FCER2: variants seen among roughly 807,000 people sequenced by gnomAD.
The protein encoded by FCER2 is low affinity immunoglobulin epsilon Fc receptor.
A neutral mutation model predicts 49.7 loss-of-function variants in FCER2; 38 were observed. That is an observed-to-expected ratio of 0.76 (90% CI 0.59 to 1.00). FCER2 has a LOEUF of 1.00. FCER2 is among the 50% of genes least tolerant of loss of function. FCER2 has a pLI of 0.00. For missense variants in FCER2, 425 were observed against 419.5 expected, an observed-to-expected ratio of 1.01 and a Z score of -0.11; for synonymous variants, 163 against 164.6, an observed-to-expected ratio of 0.99 and a Z score of 0.07.
At chr19:7,701,314 A>G (rs1373546683) in intron 1 of FCER2, among the ~76,000 whole-genome samples, 1 of 152,068 alleles carries the variant, frequency 6.6e-6, no homozygotes, top group Non-Finnish European at 1.5e-5. Context: ...TGTGAGAGGA[A>G]CCCAGAGACC....
chr19:7,690,381 C>A lies in FCER2; in HGVS notation c.621+25G>T, dbSNP rs1357570302. 5 of 1,610,846 alleles carry A rather than the reference C, an allele frequency of 3.1e-6. No individual in the cohort carries two copies. The East Asian group carries it at 8.9e-5, about 29-fold the overall frequency. On this transcript the variant is annotated intron_variant, in intron 9 of 10. Coordinates refer to ENST00000597921, the MANE Select transcript of FCER2 (RefSeq NM_001220500.2). The stretch of plus-strand genomic sequence containing the variant: ...CCCCCCACCCTCGCCATGCTGCCCA[C>A]CACCTCTGCAGAGCCCCAGCCCACC...
Position 7,690,535 on chromosome 19 carries a change from A to G in FCER2, c.492T>C (p.Pro164=), listed in dbSNP as rs748756291. ...VSSGFVCNTC[P]EKWINFQRKC... is the part of the protein sequence containing the mutation. ...TCCGTTGGAAATTGATCCACTTTTC[A>G]GGGCACGTGTTGCACACAAAGCCTG... The change falls in exon 9 of 11, where the codon CCT becomes CCC. Residue 164 remains proline, a synonymous_variant. Coordinates refer to ENST00000597921, the MANE Select transcript of FCER2 (RefSeq NM_001220500.2). 1.2e-5 allele frequency: 20 copies of G among 1,613,286 alleles called. No homozygotes were observed. The highest frequency in any genetic ancestry group is 1.7e-5 in the Non-Finnish European group (20 of 1,179,968).
At chr19:7,697,862 G>A (rs2033058821) in intron 4 of FCER2, among the ~76,000 whole-genome samples, 1 of 152,094 alleles carries the variant, frequency 6.6e-6, no homozygotes, top group Non-Finnish European at 1.5e-5. Context: ...TCTGTCTCAC[G>A]GCACTAAAAG....
At position 7,697,573 on chromosome 19, in the gene FCER2, C is replaced by A; in HGVS notation, c.207G>T (p.Lys69Asn). ...RAARNVSQVS[K>N]NLESHHGDQM... ...GGTCACCGTGGTGGCTTTCCAAGTT[C>A]TTGGAAACTTGAGAGACTGGAGCGG... is the stretch of plus-strand genomic sequence containing the variant. Residue 69 changes from lysine to asparagine, a missense_variant, in exon 5 of 11, where the codon AAG becomes AAT. By Grantham distance (94) the Lys-to-Asn change is moderately conservative. Coordinates refer to ENST00000597921, the MANE Select transcript of FCER2 (RefSeq NM_001220500.2). 6.2e-7 allele frequency: 1 copy of A among 1,614,090 alleles called. No individual in the cohort carries two copies. The highest frequency in any genetic ancestry group is 8.5e-7 in the Non-Finnish European group (1 of 1,179,996).
intron 8 of FCER2, among the ~76,000 whole-genome samples, chr19:7,694,024 T>C (rs1002868875): frequency 6.6e-6 from 1 of 151,238 alleles, no homozygotes; most frequent in South Asian, 2.1e-4. Flanking sequence ...ACTCCTGGGC[T>C]CAAGTGATCC....
chr19:7,697,282 C>T lies in FCER2; in HGVS notation c.270G>A (p.Gln90=), dbSNP rs754102526. The T allele has an allele frequency of 6.2e-7, 1 of 1,614,190 alleles. No individual in the cohort carries two copies. Among genetic ancestry groups the T allele is most frequent in the Non-Finnish European group, 8.5e-7 (1 of 1,180,028 alleles). The change falls in exon 6 of 11, where the codon CAG becomes CAA. Residue 90 remains glutamine (Q), a synonymous_variant. Transcript: ENST00000597921. ...GTTCAGCTCGAAGTTCCTCCAGTTC[C>T]TGTGAAATCTGCGTGGCTGTTTGCA... ...AQKSQSTQIS[Q]ELEELRAEQQ... is the part of the protein sequence containing the mutation.
chr19:7,697,863 G>T (rs570498825), intron 4 of FCER2, among the ~76,000 whole-genome samples: 1 of 152,136 alleles, frequency 6.6e-6, no homozygotes, highest in African/African-American at 2.4e-5. Context: ...CTGTCTCACG[G>T]CACTAAAAGT....
In FCER2 at chr19:7,699,747, T is replaced by G. The variant is rs1279801236; in HGVS notation, c.14A>C (p.Gln5Pro). The change falls in exon 2 of 11, where the codon CAA (glutamine) becomes CCA (proline). Residue 5 changes from glutamine to proline, a missense_variant. Transcript: ENST00000597921. ...CCAGAGAGTCCTCCTACCTGAATAT[T>G]GACCTTCCTCCATGGCGGTCCTGCT... MEEG[Q>P]YSEIEELPRR... is the part of the protein sequence containing the mutation. The G allele has an allele frequency of 3.7e-6, 6 of 1,613,900 alleles. No homozygotes were observed. Among genetic ancestry groups the G allele is most frequent in the Non-Finnish European group, 5.1e-6 (6 of 1,179,924 alleles).
chr19:7,696,372 A>C (rs962803881), intron 8 of FCER2, among the ~76,000 whole-genome samples: 1 of 151,960 alleles, frequency 6.6e-6, no homozygotes, highest in African/African-American at 2.4e-5. Context: ...AAGTGCTGGG[A>C]TTACAAGCGT....
intron 10 of FCER2, 46 bp downstream of exon 10, chr19:7,690,113 C>T (rs1306111382): frequency 9.1e-6 from 11 of 1,213,102 alleles, no homozygotes; most frequent in Middle Eastern, 3.8e-4. Flanking sequence ...CCTCCCTCCA[C>T]GGTATTTCCA....
chr19:7,698,913 C>G (rs539091249), intron 2 of FCER2, 59 bp from the exon 3 acceptor site: 1 of 1,526,182 alleles, frequency 6.6e-7, no homozygotes. Flanking sequence ...CTGGCCCTGT[C>G]CGTCTCTCCA....
intron 8 of FCER2, 33 bp downstream of exon 8, chr19:7,696,792 C>T (rs371625329): frequency 2.0e-5 from 31 of 1,515,208 alleles, no homozygotes; most frequent in Middle Eastern, 3.4e-4. Context: ...GGTGAGGTCA[C>T]GCGTCGTCCT....
chr19:7,698,400 G>A lies in FCER2; in HGVS notation c.146C>T (p.Thr49Ile), dbSNP rs778561468. Residue 49 changes from threonine to isoleucine, a missense_variant, in exon 4 of 11, where the codon ACC (threonine) becomes ATC (isoleucine). By Grantham distance (89) the Thr-to-Ile change is moderately conservative. Transcript: ENST00000597921. ...TTCCAGCTGTTTTAGACTCTGTGTG[G>A]TGTCCCAGTCTGGGGAGGGGGAGAG... is the stretch of plus-strand genomic sequence containing the variant. The part of the protein sequence containing the change: ...LTLLLLWHWD[T>I]TQSLKQLEER... The A allele has an allele frequency of 6.2e-7, 1 of 1,612,436 alleles. No individual in the cohort carries two copies. The highest frequency in any genetic ancestry group is 1.7e-5 in the Admixed American group (1 of 59,888).
intron 1 of FCER2, chr19:7,700,210 A>AT (rs2033123722): frequency 6.1e-6 from 1 of 162,724 alleles, no homozygotes; most frequent in Non-Finnish European, 1.3e-5. Flanking sequence ...GTTTATTATA[A>AT]TTGCCTTGCC....
rs149706196 is a variant in FCER2 at position 7,697,532 on chromosome 19, G to A, written c.248C>T (p.Ser83Phe). Residue 83 changes from serine (S) to phenylalanine (F), a missense_variant, in exon 5 of 11, where the codon TCC becomes TTC. Coordinates refer to ENST00000597921, the MANE Select transcript of FCER2 (RefSeq NM_001220500.2). ...CAACTCCAGGAGTCACTCACACTGG[G>A]ATTTCTGCGCCATCTGGTCACCGTG... is the stretch of plus-strand genomic sequence containing the variant. ...SHHGDQMAQK[S>F]QSTQISQELE... 2 of 1,613,822 alleles carry A rather than the reference G, an allele frequency of 1.2e-6. No homozygotes were observed. The highest frequency in any genetic ancestry group is 2.7e-5 in the African/African-American group (2 of 74,998).
chr19:7,699,832 A>G lies in FCER2; in HGVS notation c.-72T>C. ...ACAACGCAGTCCACTCAGCGGGCAC[A>G]ATCACAGCTCTGGCTGATTTGGGAT... On this transcript the variant is annotated 5_prime_UTR_variant, in exon 2 of 11. Transcript: ENST00000597921. The G allele has an allele frequency of 7.0e-7, 1 of 1,424,446 alleles. No homozygotes were observed. Among genetic ancestry groups the G allele is most frequent in the Non-Finnish European group, 9.9e-7 (1 of 1,009,030 alleles). 88.2% of individuals were successfully genotyped at this position (1,424,446 alleles called of 1,614,324 possible).
intron 8 of FCER2, among the ~76,000 whole-genome samples, chr19:7,691,044 C>T (rs1341111726): frequency 2.6e-5 from 4 of 152,156 alleles, no homozygotes; most frequent in Non-Finnish European, 5.9e-5. Context: ...AACGCTTCAA[C>T]CACCATTATC....
chr19:7,689,262 G>A lies in FCER2; in HGVS notation c.897C>T (p.Ser299=), dbSNP rs1371298541. ...GGTCTGGTCTTGAATCAGGTCCCAT[G>A]GACTCCGCGGAACCTTCGCTGGCTG... ...TPPASEGSAE[S]MGPDSRPDPD... Residue 299 remains serine, a synonymous_variant, in exon 11 of 11, where the codon TCC becomes TCT. Coordinates refer to ENST00000597921, the MANE Select transcript of FCER2 (RefSeq NM_001220500.2). The A allele has an allele frequency of 4.3e-6, 7 of 1,613,740 alleles. No homozygotes were observed. The South Asian group carries it at 5.5e-5, about 13-fold the overall frequency.
rs1388746882 is a variant in FCER2 at position 7,699,804 on chromosome 19, C to G, written c.-44G>C. On this transcript the variant is annotated 5_prime_UTR_variant, in exon 2 of 11. Coordinates refer to ENST00000597921, the MANE Select transcript of FCER2 (RefSeq NM_001220500.2). ...CTCCCGATGATGGAGCACTCACTCC[C>G]TGACAACGCAGTCCACTCAGCGGGC... 3 of 1,602,264 alleles carry G rather than the reference C, an allele frequency of 1.9e-6. No individual in the cohort carries two copies. The African/African-American group carries it at 4.0e-5, about 21-fold the overall frequency.
Sources: gnomAD v4.1 joint callset for allele counts (sites outside exome capture counted in the v4.1 genomes callset) on GRCh38, gnomAD v4.1.1 for gene constraint, MANE v1.5 for transcripts, NCBI Gene and HGNC (gene_info 2026-07-23, HGNC 2026-07-21) for gene names.